Variants in PCDH1 observed in about 807,000 individuals in gnomAD.
The protein encoded by PCDH1 is protocadherin-1.
In PCDH1, 23 loss-of-function variants were observed where a neutral mutation model predicts 74.6. The observed-to-expected ratio is 0.31, with a 90% confidence interval of 0.22 to 0.44. PCDH1 has a LOEUF of 0.44. Ranked by LOEUF, PCDH1 falls within the 20% of genes least tolerant of loss-of-function variation. PCDH1 has a pLI of 1.00. For missense variants in PCDH1, 1,214 were observed against 1,641.4 expected, an observed-to-expected ratio of 0.74 and a Z score of 4.50; for synonymous variants, 647 against 686.1, an observed-to-expected ratio of 0.94 and a Z score of 0.89.
rs779821015 is a variant in PCDH1, at chr5:141,854,167, T to C, written c.3589A>G (p.Ser1197Gly). ...GAGTCCTTGCAGGAATCATGGCTAC[T>C]GTGGGAGAAGGCACTGTAGGAGGGC... ...LLPSYSAFSH[S>G]SHDSCKDSAT... Residue 1197 changes from serine (S) to glycine (G), a missense_variant, in exon 5 of 5, where the codon AGT (serine) becomes GGT (glycine). Around this residue, in one of 4 missense-constraint regions of PCDH1, gnomAD observed 194 missense variants for 198.3 expected, o/e 0.98. Transcript: ENST00000287008. The C allele has an allele frequency of 5.6e-6, 9 of 1,605,574 alleles. No homozygotes were observed. Among genetic ancestry groups the C allele is most frequent in the Middle Eastern group, 1.7e-4 (1 of 6,016 alleles).
At position 141,855,863 on chromosome 5, in the gene PCDH1, C is replaced by T. The variant is rs970204083; in HGVS notation, c.3319+1389G>A. Among the ~76,000 whole-genome samples, 4 of 152,056 alleles carry T rather than the reference C, an allele frequency of 2.6e-5. No individual in the cohort carries two copies. The East Asian group carries it at 5.8e-4, about 22-fold the overall frequency. ...AGTAGCCGGTGTAGTTGCTGGGCAG[C>T]GGGGGTCTCCATGGGAACGGCTGGG... On this transcript the variant is annotated intron_variant, in intron 4 of 4. Coordinates refer to ENST00000287008, the MANE Select transcript of PCDH1 (RefSeq NM_032420.5).
chr5:141,876,895 G>C (rs1753253320), intron 1 of PCDH1, among the ~76,000 whole-genome samples: 1 of 152,180 alleles, frequency 6.6e-6, no homozygotes, highest in Non-Finnish European at 1.5e-5. Flanking sequence ...CCTCTACAAA[G>C]GAACCTGGGG....
intron 1 of PCDH1, among the ~76,000 whole-genome samples, chr5:141,877,550 C>T (rs552182360): frequency 1.3e-5 from 2 of 152,212 alleles, no homozygotes; most frequent in South Asian, 2.1e-4. Context: ...GTTTGTGTGT[C>T]CACGTCGCGG....
Position 141,874,434 on chromosome 5 carries a change from C to T in PCDH1, c.40+3789G>A, listed in dbSNP as rs529235307. 1.6e-3 allele frequency among the ~76,000 whole-genome samples: 248 copies of T among 152,346 alleles called. 2 individuals are homozygous for T. The highest frequency in any genetic ancestry group is 5.4e-3 in the African/African-American group (226 of 41,590). On this transcript the variant is annotated intron_variant, in intron 1 of 4. Transcript: ENST00000287008. The stretch of plus-strand genomic sequence containing the variant: ...CCTGGGCAACGGTGCCCTACCTCCC[C>T]CCAGTGACATGGGCACCCAGGACCC...
chr5:141,873,456 T>C (rs1753145925), intron 1 of PCDH1, among the ~76,000 whole-genome samples: 1 of 144,690 alleles, frequency 6.9e-6, no homozygotes, highest in East Asian at 2.2e-4. Context: ...CAAACGTTTT[T>C]TTTTTCTTGA....
intron 2 of PCDH1, chr5:141,867,347 C>CT: frequency 3.4e-6 from 1 of 293,180 alleles, no homozygotes; most frequent in East Asian, 1.1e-4. Context: ...CACCTAGGCT[C>CT]TGAAGCCAGA....
Position 141,863,262 on chromosome 5 carries a change from G to A in PCDH1, c.3069C>T (p.Arg1023=). The change falls in exon 3 of 5, where the codon CGC becomes CGT. Residue 1023 remains arginine (R), a synonymous_variant. Transcript: ENST00000287008. This position sits in a 1 kb window ranked among gnomAD's most constrained non-coding sequence, Gnocchi z 7.5. ...TGCTGGGGTATTTGGGGGGGTTGGT[G>A]CGGTAGCTGTAGTCGGAGTACTGCT... The part of the protein sequence containing the change: ...GSEQYSDYSY[R]TNPPKYPSKQ... 6.3e-7 allele frequency: 1 copy of A among 1,593,320 alleles called. No homozygotes were observed.
intron 1 of PCDH1, among the ~76,000 whole-genome samples, chr5:141,872,136 C>G (rs369406926): frequency 3.4e-5 from 5 of 145,914 alleles, no homozygotes; most frequent in African/African-American, 7.9e-5. Context: ...CCACCCCCCC[C>G]CTCCACCTGC....
chr5:141,856,402 G>A, intron 4 of PCDH1: 1 of 792,974 alleles, frequency 1.3e-6, no homozygotes, highest in Non-Finnish European at 2.1e-6. Flanking sequence ...TGTGCCTGAG[G>A]CAGGGGAGTG....
In PCDH1 at chr5:141,857,279, T is replaced by C; in HGVS notation, c.3292A>G (p.Ile1098Val). ...TTCTCGGGGTGCTCCATCTCTCCTA[T>C]GCTGCCATCAGGGGTGGTGCGCTCA... ...HYERTTPDGS[I>V]GEMEHPENDL... Residue 1098 changes from isoleucine to valine, a missense_variant, in exon 4 of 5, where the codon ATA becomes GTA. Coordinates refer to ENST00000287008, the MANE Select transcript of PCDH1 (RefSeq NM_032420.5). 1.2e-6 allele frequency: 2 copies of C among 1,604,112 alleles called. No homozygotes were observed. Among genetic ancestry groups the C allele is most frequent in the Non-Finnish European group, 1.7e-6 (2 of 1,175,462 alleles).
chr5:141,866,218 CTG>C (rs1752825317), intron 2 of PCDH1: 12 of 985,424 alleles, frequency 1.2e-5, no homozygotes, highest in Non-Finnish European at 1.4e-5. Context: ...CTCCTCCCGA[CTG>C]GCACCGGCTG....
In PCDH1 at chr5:141,863,183, A is replaced by G; in HGVS notation, c.3099+49T>C. The G allele has an allele frequency of 7.9e-6, 10 of 1,259,896 alleles. No homozygotes were observed. Among genetic ancestry groups the G allele is most frequent in the Non-Finnish European group, 1.1e-5 (10 of 918,736 alleles). The allele number at this position is 1,259,896 out of a possible 1,614,324, so 78.0% of individuals were successfully genotyped here. ...ACCTCGGTCCAGATGGCTCCGTGGT[A>G]GGGGTGGGGTAGGGGCTGGGGTGTG... On this transcript the variant is annotated intron_variant, in intron 3 of 4. Coordinates refer to ENST00000287008, the MANE Select transcript of PCDH1 (RefSeq NM_032420.5). This position sits in a 1 kb window ranked among gnomAD's most constrained non-coding sequence, Gnocchi z 7.5.
intron 1 of PCDH1, among the ~76,000 whole-genome samples, chr5:141,872,345 C>T (rs868419765): frequency 6.6e-6 from 1 of 152,230 alleles, no homozygotes. Context: ...GGGAAGCCCA[C>T]GGGAATTACC....
At chr5:141,873,331 G>T (rs1408233682) in intron 1 of PCDH1, among the ~76,000 whole-genome samples, 3 of 149,512 alleles carry the variant, frequency 2.0e-5, no homozygotes, top group East Asian at 2.0e-4. Context: ...GTAGAGACGG[G>T]GTTTCACCGT....
Position 141,864,227 on chromosome 5 carries a change from TGACACC to T in PCDH1, c.2098_2103del (p.Gly700_Val701del). On this transcript the variant is annotated inframe_deletion, in exon 3 of 5. Coordinates refer to ENST00000287008, the MANE Select transcript of PCDH1 (RefSeq NM_032420.5). The surrounding 1 kb of genome is among the most constrained non-coding windows in gnomAD (Gnocchi z 5.9). Reference sequence around the variant, plus strand: ...TCATTCTCGTCCAGCACATTGATGGTGACACCAACGTAAGCTGAGCGAGGTGGGACG... The same window carrying T: ...TCATTCTCGTCCAGCACATTGATGGTAACGTAAGCTGAGCGAGGTGGGACG... The T allele has an allele frequency of 6.2e-7, 1 of 1,607,894 alleles. No individual in the cohort carries two copies. The highest frequency in any genetic ancestry group is 8.5e-7 in the Non-Finnish European group (1 of 1,175,048).
chr5:141,875,833 G>C (rs114965409), intron 1 of PCDH1, among the ~76,000 whole-genome samples: 1 of 151,948 alleles, frequency 6.6e-6, no homozygotes, highest in East Asian at 1.9e-4. Flanking sequence ...GTAATTACAG[G>C]TTCCAATTCC....
At position 141,863,169 on chromosome 5, in the gene PCDH1, G is replaced by C. The variant is rs1752637561; in HGVS notation, c.3099+63C>G. On this transcript the variant is annotated intron_variant, in intron 3 of 4. Transcript: ENST00000287008. The surrounding 1 kb of genome is among the most constrained non-coding windows in gnomAD (Gnocchi z 7.5). ...TCCATCACTCCCACACCTCGGTCCA[G>C]ATGGCTCCGTGGTAGGGGTGGGGTA... 4.6e-6 allele frequency: 7 copies of C among 1,510,090 alleles called. No homozygotes were observed. The highest frequency in any genetic ancestry group is 6.2e-6 in the Non-Finnish European group (7 of 1,127,720). 93.5% of individuals were successfully genotyped at this position (1,510,090 alleles called of 1,614,324 possible).
intron 4 of PCDH1, among the ~76,000 whole-genome samples, 199 bp from the exon 5 acceptor site, chr5:141,854,635 C>T (rs941383207): frequency 2.0e-5 from 3 of 152,098 alleles, no homozygotes; most frequent in Non-Finnish European, 4.4e-5. Flanking sequence ...ACTGTACACA[C>T]GCACACGCAC....
chr5:141,868,806 T>C lies in PCDH1; in HGVS notation c.666A>G (p.Ala222=), dbSNP rs765465566. 4.3e-6 allele frequency: 7 copies of C among 1,614,232 alleles called. No individual in the cohort carries two copies. The highest frequency in any genetic ancestry group is 5.1e-6 in the Non-Finnish European group (6 of 1,180,040). ...GTGGTTGCTTCTCCTCCTGGTCCTC[T>C]GCCACCTGCAGCCCAAATAGCTCCT... ...EAQELFGLQV[A]EDQEEKQPQL... is the part of the protein sequence containing the mutation. The change falls in exon 2 of 5, where the codon GCA becomes GCG. Residue 222 remains alanine (A), a synonymous_variant. Coordinates refer to ENST00000287008, the MANE Select transcript of PCDH1 (RefSeq NM_032420.5). The surrounding 1 kb of genome is among the most constrained non-coding windows in gnomAD (Gnocchi z 4.8).
Sources: gnomAD v4.1 joint callset for allele counts (sites outside exome capture counted in the v4.1 genomes callset) on GRCh38, gnomAD v4.1.1 for gene constraint, gnomAD v4.1.1 regional missense constraint, Gnocchi (gnomAD v3.1) non-coding constraint, MANE v1.5 for transcripts, NCBI Gene and HGNC (gene_info 2026-07-23, HGNC 2026-07-21) for gene names.